The following WDR27 variants were observed in gnomAD, a reference collection of about 807,000 sequenced individuals.
WDR27 encodes the protein WD repeat-containing protein 27.
A neutral mutation model predicts 114.4 loss-of-function variants in WDR27; 100 were observed. The observed-to-expected ratio is 0.87, with a 90% CI of 0.74 to 1.03. The LOEUF is 1.03. WDR27 is among the 50% of genes least tolerant of loss of function. WDR27 has a pLI of 0.00. For synonymous variants in WDR27, 449 were observed against 423.1 expected (o/e 1.06, Z -0.75); for missense variants, 1,129 against 1,092.9 (o/e 1.03, Z -0.47).
chr6:169,677,290 A>T (rs970721180), intron 2 of WDR27, among the ~76,000 whole-genome samples: 1 of 152,220 alleles, frequency 6.6e-6, no homozygotes, highest in African/African-American at 2.4e-5. Context: ...AGCAAAGGTC[A>T]CTCTTGTTAT....
Position 169,600,179 on chromosome 6 carries a change from C to T in WDR27, c.2424+2040G>A, listed in dbSNP as rs199662954. ...CATTTGCTGAGGAGTGCTTTACTTC[C>T]AACTATGTGGTCAATTTTGGAATAG... is the stretch of plus-strand genomic sequence containing the variant. On this transcript the variant is annotated intron_variant, in intron 23 of 25. Transcript: ENST00000448612. 2.0e-5 allele frequency among the ~76,000 whole-genome samples: 3 copies of T among 152,212 alleles called. No homozygotes were observed. The East Asian group carries it at 5.8e-4, about 29-fold the overall frequency.
chr6:169,659,196 C>T lies in WDR27; in HGVS notation c.1209G>A (p.Leu403=). ...NRTADQKVLC[L]LASLFGGKIA... is the part of the protein sequence containing the mutation. The stretch of plus-strand genomic sequence containing the variant: ...TCTTCCCGCCAAAGAGGGAGGCCAG[C>T]AAGCACAGCACCTGCAGGGACGCGG... Residue 403 remains leucine, a synonymous_variant, in exon 12 of 26, where the codon TTG becomes TTA. Transcript: ENST00000448612. The surrounding 1 kb of genome is among the most constrained non-coding windows in gnomAD (Gnocchi z 4.3). The T allele has an allele frequency of 6.2e-7, 1 of 1,603,098 alleles. No individual in the cohort carries two copies. The highest frequency in any genetic ancestry group is 2.2e-5 in the East Asian group (1 of 44,822).
In WDR27 at chr6:169,665,503, C is replaced by T. The variant is rs760508495; in HGVS notation, c.766G>A (p.Gly256Arg). Residue 256 changes from glycine to arginine, a missense_variant, in exon 7 of 26, where the codon GGG (glycine) becomes AGG (arginine). Physicochemically the swap from Gly to Arg is moderately radical, Grantham distance 125. Transcript: ENST00000448612. ...IDAESRQLVT[G>R]CADGQLWIFS... is the part of the protein sequence containing the mutation. ...TGTCTCACCTGGCCGTCAGCACACC[C>T]GGTGACCAGCTGCCTGCTTTCTGCA... The T allele has an allele frequency of 1.4e-5, 23 of 1,613,578 alleles. No individual in the cohort carries two copies. The South Asian group carries it at 2.0e-4, about 14-fold the overall frequency.
In WDR27 at chr6:169,459,474, C is replaced by G. The variant is rs561592712; in HGVS notation, c.2646-1840G>C. The stretch of plus-strand genomic sequence containing the variant: ...ATCAAAGGGACCAACTTATGCATTG[C>G]AGGAGAAGAAATAACAGTTGAAAAC... On this transcript the variant is annotated intron_variant, in intron 25 of 25. Transcript: ENST00000448612. Among the ~76,000 whole-genome samples the G allele has an allele frequency of 3.3e-5, 5 of 151,788 alleles. No homozygotes were observed. The South Asian group carries it at 8.3e-4, about 25-fold the overall frequency.
intron 25 of WDR27, among the ~76,000 whole-genome samples, chr6:169,551,281 C>T (rs945894174): frequency 2.0e-5 from 3 of 152,190 alleles, no homozygotes; most frequent in Middle Eastern, 3.4e-3. Context: ...CCAATCACTT[C>T]GCTAAGTAAT....
intron 2 of WDR27, among the ~76,000 whole-genome samples, chr6:169,681,016 G>A (rs75257655): frequency 1.3e-5 from 2 of 152,116 alleles, no homozygotes; most frequent in Non-Finnish European, 2.9e-5. Context: ...CAAGAATATA[G>A]AAGACTTGAA....
intron 23 of WDR27, among the ~76,000 whole-genome samples, chr6:169,601,637 G>A (rs1047410124): frequency 2.0e-5 from 3 of 152,230 alleles, no homozygotes; most frequent in Non-Finnish European, 4.4e-5. Flanking sequence ...CCACCCATGA[G>A]TATTCTTGGG....
intron 25 of WDR27, among the ~76,000 whole-genome samples, chr6:169,481,534 C>G (rs959087775): frequency 1.3e-5 from 2 of 152,218 alleles, no homozygotes; most frequent in African/African-American, 4.8e-5. Context: ...TTCGTGGCGC[C>G]TTTATGAGCT....
rs377380907 is a variant in WDR27 at position 169,660,711 on chromosome 6, C to A, written c.1081G>T (p.Val361Leu). The A allele has an allele frequency of 6.2e-7, 1 of 1,613,658 alleles. No individual in the cohort carries two copies. The highest frequency in any genetic ancestry group is 8.5e-7 in the Non-Finnish European group (1 of 1,179,784). ...VWIGSSVGLF[V>L]FNLANLEVEA... ...ACTTCCAGGTTTGCCAGGTTAAATACGAATAAGCCCACTGAGCTTCCGATC... is the reference window on the plus strand; with the variant it reads ...ACTTCCAGGTTTGCCAGGTTAAATAAGAATAAGCCCACTGAGCTTCCGATC... Residue 361 changes from valine to leucine, a missense_variant, in exon 10 of 26, where the codon GTA becomes TTA. Coordinates refer to ENST00000448612, the MANE Select transcript of WDR27 (RefSeq NM_182552.5).
chr6:169,628,501 C>A (rs1474128477), intron 21 of WDR27, among the ~76,000 whole-genome samples: 3 of 152,198 alleles, frequency 2.0e-5, no homozygotes, highest in East Asian at 1.9e-4. Context: ...GCTGACCACA[C>A]AGGAGGTAAA....
chr6:169,605,414 G>C (rs1024712525), intron 22 of WDR27, among the ~76,000 whole-genome samples: 1 of 151,638 alleles, frequency 6.6e-6, no homozygotes, highest in Non-Finnish European at 1.5e-5. Flanking sequence ...GGAGGTAAAA[G>C]GTCTCAATAC....
At chr6:169,580,180 C>A (rs948524791) in intron 24 of WDR27, among the ~76,000 whole-genome samples, 2 of 152,354 alleles carry the variant, frequency 1.3e-5, no homozygotes, top group African/African-American at 4.8e-5. Context: ...ACAAAATAAA[C>A]CATGCTTAGG....
chr6:169,620,703 C>G (rs1001387024), intron 21 of WDR27, among the ~76,000 whole-genome samples: 2 of 152,218 alleles, frequency 1.3e-5, no homozygotes, highest in Admixed American at 6.5e-5. Context: ...TCAGGAACTC[C>G]TGATGCTATG....
At chr6:169,688,458 T>C (rs570919266) in intron 2 of WDR27, among the ~76,000 whole-genome samples, 3 of 152,278 alleles carry the variant, frequency 2.0e-5, no homozygotes, top group African/African-American at 7.2e-5. Context: ...CATGCACTTA[T>C]TATGTGGAAC....
chr6:169,551,110 C>T (rs548830056), intron 25 of WDR27, among the ~76,000 whole-genome samples: 1 of 152,246 alleles, frequency 6.6e-6, no homozygotes, highest in African/African-American at 2.4e-5. Flanking sequence ...CTATAAAATT[C>T]CAAAGGCGTT....
Position 169,701,694 on chromosome 6 carries a change from G to A in WDR27, c.-151C>T, listed in dbSNP as rs1435213847. On this transcript the variant is annotated 5_prime_UTR_variant, in exon 1 of 26. Transcript: ENST00000448612. ...AGCACGGCGTCAGGAGGAGGCTTCG[G>A]GTGACGAGACAGCGGGCAACGGCTC... is the stretch of plus-strand genomic sequence containing the variant. 5.5e-6 allele frequency: 1 copy of A among 181,592 alleles called. No homozygotes were observed. Among genetic ancestry groups the A allele is most frequent in the Non-Finnish European group, 1.2e-5 (1 of 85,098 alleles). The allele number at this position is 181,592 out of a possible 1,614,324, so 11.2% of individuals were successfully genotyped here.
chr6:169,439,112 C>T, the WDR27 span, among the ~76,000 whole-genome samples: 282 of 152,178 alleles, frequency 1.9e-3, 5 homozygotes, highest in East Asian at 0.03. Flanking sequence ...AAACATCAAA[C>T]GATGCATCTC....
chr6:169,565,152 G>C (rs1003331770), intron 25 of WDR27, among the ~76,000 whole-genome samples: 4 of 152,198 alleles, frequency 2.6e-5, no homozygotes, highest in African/African-American at 9.7e-5. Context: ...GCACGGGATA[G>C]AAACTGCGAA....
intron 2 of WDR27, 99 bp downstream of exon 2, chr6:169,688,718 G>A: frequency 1.3e-6 from 1 of 789,774 alleles, no homozygotes; most frequent in Non-Finnish European, 1.8e-6. Context: ...ATAGTTGGTA[G>A]CTGAATCCAC....
Sources: allele counts gnomAD v4.1 joint callset (sites outside exome capture counted in the v4.1 genomes callset), GRCh38; gene constraint gnomAD v4.1.1; non-coding constraint Gnocchi (gnomAD v3.1); transcripts MANE v1.5; gene names NCBI Gene and HGNC (gene_info 2026-07-23, HGNC 2026-07-21).